Variants in ACAD9 observed in about 807,000 individuals in gnomAD.
The protein encoded by ACAD9 is acyl-CoA dehydrogenase family member 9.
ACAD9 carries 53 observed loss-of-function variants against 70.2 expected under a neutral mutation model. That is an observed-to-expected ratio of 0.75 (90% CI 0.61 to 0.95). ACAD9 has a LOEUF of 0.95. Among genes scored for constraint, ACAD9 ranks in the 40% least tolerant of loss-of-function variants. The pLI is 0.00. For missense variants in ACAD9, 777 were observed against 802.8 expected (o/e 0.97, Z 0.39); for synonymous variants, 313 against 312.1 (o/e 1.00, Z -0.03).
intron 1 of ACAD9, 60 bp downstream of exon 1, chr3:128,879,901 A>G (rs764382491): frequency 3.1e-6 from 5 of 1,612,400 alleles, no homozygotes; most frequent in Non-Finnish European, 4.2e-6. Flanking sequence ...CCTCAGCTGC[A>G]AGACTGGTGT....
rs746762497 is a variant in ACAD9, at chr3:128,904,078, C to T, written c.975C>T (p.Tyr325=). The T allele has an allele frequency of 3.8e-5, 62 of 1,614,052 alleles. No homozygotes were observed. The highest frequency in any genetic ancestry group is 1.1e-4 in the South Asian group (10 of 91,094). Residue 325 remains tyrosine, a synonymous_variant, in exon 10 of 18, where the codon TAC becomes TAT. Transcript: ENST00000308982. ...CTTCCTCAGAAATGACTGCTGAGTACGCCTGCACAAGGAAACAGTTTAACA... is the reference window on the plus strand; with the variant it reads ...CTTCCTCAGAAATGACTGCTGAGTATGCCTGCACAAGGAAACAGTTTAACA... ...LKRLIEMTAE[Y]ACTRKQFNKR...
At chr3:128,888,279 A>G (rs1242671966) in intron 2 of ACAD9, among the ~76,000 whole-genome samples, 1 of 152,210 alleles carries the variant, frequency 6.6e-6, no homozygotes, top group Non-Finnish European at 1.5e-5. Flanking sequence ...AAAGCAAGTA[A>G]CATCTTAAGT....
In ACAD9 at chr3:128,897,622, G is replaced by A; in HGVS notation, c.555-10G>A. The A allele has an allele frequency of 6.2e-7, 1 of 1,612,164 alleles. No homozygotes were observed. Among genetic ancestry groups the A allele is most frequent in the Non-Finnish European group, 8.5e-7 (1 of 1,178,986 alleles). On this transcript the variant is annotated splice_polypyrimidine_tract_variant and intron_variant, in intron 5 of 17. Transcript: ENST00000308982. ...TATTCTCCCTTGACCACATCTTTCT[G>A]CATCTGCAGTGGGAGCGATGCAGCC...
intron 2 of ACAD9, among the ~76,000 whole-genome samples, chr3:128,891,387 G>A (rs984206419): frequency 5.9e-5 from 9 of 152,146 alleles, no homozygotes; most frequent in South Asian, 2.1e-4. Flanking sequence ...TAGGGAAGCC[G>A]AGGCTGTCAG....
intron 16 of ACAD9, 97 bp downstream of exon 16, chr3:128,910,246 G>C (rs1486131920): frequency 1.3e-5 from 20 of 1,577,242 alleles, no homozygotes; most frequent in African/African-American, 2.7e-5. Context: ...GGTCGGGTGT[G>C]GGGGAGGCTG....
chr3:128,889,250 G>A (rs1935342839), intron 2 of ACAD9, among the ~76,000 whole-genome samples: 1 of 151,882 alleles, frequency 6.6e-6, no homozygotes, highest in African/African-American at 2.4e-5. Flanking sequence ...CTGGGCTCAA[G>A]TGATCCTCCC....
chr3:128,881,797 C>T (rs1301398928), intron 1 of ACAD9, among the ~76,000 whole-genome samples: 2 of 152,218 alleles, frequency 1.3e-5, no homozygotes, highest in South Asian at 2.1e-4. Flanking sequence ...CTGGCTGATA[C>T]TTCTCTGTGT....
chr3:128,902,444 T>A lies in ACAD9; in HGVS notation c.883-109T>A. On this transcript the variant is annotated intron_variant, in intron 8 of 17. Coordinates refer to ENST00000308982, the MANE Select transcript of ACAD9 (RefSeq NM_014049.5). The surrounding 1 kb of genome is among the most constrained non-coding windows in gnomAD (Gnocchi z 4.0). ...TTGTTCTGAGGCATTAGGATGGTGC[T>A]TTCTCCCAGCTTGAGGGAAGGCAAG... 9.4e-7 allele frequency: 1 copy of A among 1,065,314 alleles called. No homozygotes were observed. The highest frequency in any genetic ancestry group is 1.5e-6 in the Non-Finnish European group (1 of 684,020). 66.0% of individuals were successfully genotyped at this position (1,065,314 alleles called of 1,614,324 possible).
At chr3:128,895,096 C>T (rs1418066804) in intron 3 of ACAD9, among the ~76,000 whole-genome samples, 1 of 151,134 alleles carries the variant, frequency 6.6e-6, no homozygotes, top group African/African-American at 2.4e-5. Flanking sequence ...AGGCTGGTCT[C>T]GAACTGTTGA....
intron 6 of ACAD9, among the ~76,000 whole-genome samples, chr3:128,898,993 G>T (rs973445713): frequency 5.3e-5 from 8 of 152,168 alleles, no homozygotes; most frequent in Middle Eastern, 3.2e-3. Context: ...CTTTCTTGAA[G>T]AAATGCAGTT....
rs938927026 is a variant in ACAD9 at position 128,904,219 on chromosome 3, T to C, written c.1029+87T>C. The C allele has an allele frequency of 1.9e-6, 3 of 1,580,074 alleles. No homozygotes were observed. The Admixed American group carries it at 5.0e-5, about 26-fold the overall frequency. ...TTGATGTCTCTGTACTGGTGACTTCTGTGGTGATTTGGGAAGAAGACTAGT... is the reference window on the plus strand; with the variant it reads ...TTGATGTCTCTGTACTGGTGACTTCCGTGGTGATTTGGGAAGAAGACTAGT... On this transcript the variant is annotated intron_variant, in intron 10 of 17. Coordinates refer to ENST00000308982, the MANE Select transcript of ACAD9 (RefSeq NM_014049.5).
Position 128,906,131 on chromosome 3 carries a change from C to G in ACAD9, c.1160C>G (p.Ser387Cys). The change falls in exon 12 of 18, where the codon TCC becomes TGC. Residue 387 changes from serine (S) to cysteine (C), a missense_variant. Physicochemically the swap from Ser to Cys is moderately radical, Grantham distance 112. Coordinates refer to ENST00000308982, the MANE Select transcript of ACAD9 (RefSeq NM_014049.5). The stretch of plus-strand genomic sequence containing the variant: ...TGTGACACCCCACAGGTGTTCAGCT[C>G]CGAGGCCGCCTGGCAGTGTGTGAGT... Reference protein sequence around the residue: ...IEAAMVKVFSSEAAWQCVSEA... With the variant: ...IEAAMVKVFSCEAAWQCVSEA... 1 of 1,614,186 alleles carries G rather than the reference C, an allele frequency of 6.2e-7. No individual in the cohort carries two copies. The highest frequency in any genetic ancestry group is 8.5e-7 in the Non-Finnish European group (1 of 1,180,040).
intron 11 of ACAD9, 138 bp from the exon 12 acceptor site, chr3:128,905,982 AC>A: frequency 8.7e-7 from 1 of 1,143,868 alleles, no homozygotes; most frequent in Non-Finnish European, 1.3e-6. Flanking sequence ...AAGGCAAAGG[AC>A]TTGACCACAT....
At chr3:128,908,574 G>A (rs554321503) in intron 13 of ACAD9, 4 of 560,130 alleles carry the variant, frequency 7.1e-6, no homozygotes, top group South Asian at 6.0e-5. Context: ...CTTTAAAGGT[G>A]CCAGGCCTCA....
At chr3:128,884,978 C>A (rs1196286186) in intron 2 of ACAD9, among the ~76,000 whole-genome samples, 3 of 152,064 alleles carry the variant, frequency 2.0e-5, no homozygotes, top group Non-Finnish European at 4.4e-5. Context: ...CCATACTGTT[C>A]CAGGTCAACA....
chr3:128,883,598 C>A (rs980331582), intron 1 of ACAD9, among the ~76,000 whole-genome samples: 4 of 152,032 alleles, frequency 2.6e-5, no homozygotes, highest in Non-Finnish European at 5.9e-5. Flanking sequence ...CCTCGTGATC[C>A]GCCCGCCTCG....
At position 128,912,834 on chromosome 3, in the gene ACAD9, G is replaced by C. The variant is rs776844592; in HGVS notation, c.*227G>C. On this transcript the variant is annotated 3_prime_UTR_variant, in exon 18 of 18. Coordinates refer to ENST00000308982, the MANE Select transcript of ACAD9 (RefSeq NM_014049.5). ...CACAGCTTCTGAACTGAGCCGGAGA[G>C]AGAGAATGGAATTGCTGACCCCTGG... The C allele has an allele frequency of 5.8e-6, 4 of 690,990 alleles. No individual in the cohort carries two copies. The Middle Eastern group carries it at 1.0e-3, about 178-fold the overall frequency. 42.8% of individuals were successfully genotyped at this position (690,990 alleles called of 1,614,324 possible).
chr3:128,905,951 A>G (rs913053443), intron 11 of ACAD9, among the ~76,000 whole-genome samples, 170 bp from the exon 12 acceptor site: 4 of 152,152 alleles, frequency 2.6e-5, no homozygotes, highest in African/African-American at 9.7e-5. Flanking sequence ...AGGGAACACA[A>G]GCTGGCCAGT....
intron 17 of ACAD9, 23 bp from the exon 18 acceptor site, chr3:128,912,484 C>G (rs1274075051): frequency 6.3e-7 from 1 of 1,599,566 alleles, no homozygotes; most frequent in African/African-American, 1.3e-5. Flanking sequence ...AGATCACCCA[C>G]CATCTCTCCT....
Sources: allele counts gnomAD v4.1 joint callset (sites outside exome capture counted in the v4.1 genomes callset), GRCh38; gene constraint gnomAD v4.1.1; non-coding constraint Gnocchi (gnomAD v3.1); transcripts MANE v1.5; gene names NCBI Gene and HGNC (gene_info 2026-07-23, HGNC 2026-07-21).